The following UNC80 variants were observed in gnomAD, a reference collection of about 807,000 sequenced individuals.
The protein encoded by UNC80 is protein unc-80 homolog.
Under a neutral mutation model 384.6 loss-of-function variants are expected in UNC80, and 164 were observed. That is an observed-to-expected ratio of 0.43 (90% confidence interval 0.38 to 0.49). The LOEUF is 0.49. Ranked by LOEUF, UNC80 falls within the 20% of genes least tolerant of loss-of-function variation. The probability of loss-of-function intolerance (pLI) is 0.00; values close to 1 mark genes in which losing one functional copy is unlikely to be tolerated. For synonymous variants in UNC80, 1,486 were observed against 1,527.8 expected, an observed-to-expected ratio of 0.97 and a Z score of 0.64; for missense variants, 3,330 against 4,143.0, an observed-to-expected ratio of 0.80 and a Z score of 5.39.
At chr2:209,948,065 C>T (rs144359405) in intron 47 of UNC80, among the ~76,000 whole-genome samples, 143 of 152,050 alleles carry the variant, frequency 9.4e-4, no homozygotes, top group Non-Finnish European at 1.8e-3. Context: ...GACTATGTTA[C>T]AATTTATTTA....
intron 4 of UNC80, among the ~76,000 whole-genome samples, chr2:209,782,323 AG>A (rs2077196037): frequency 6.6e-6 from 1 of 152,204 alleles, no homozygotes; most frequent in East Asian, 1.9e-4. Context: ...AGTCTCTCCA[AG>A]AACATAACAT....
Position 209,945,190 on chromosome 2 carries a change from G to A in UNC80, c.7189+1G>A. 1.3e-6 allele frequency: 2 copies of A among 1,545,570 alleles called. No homozygotes were observed. Among genetic ancestry groups the A allele is most frequent in the East Asian group, 2.4e-5 (1 of 40,842 alleles). On this transcript the variant is annotated splice_donor_variant, in intron 46 of 64. Coordinates refer to ENST00000673920, the MANE Select transcript of UNC80 (RefSeq NM_001371986.1). LOFTEE classifies it high-confidence loss of function. ...GCTGAGAAGCCTCTCAAGTCATTAG[G>A]TAAAAGCAAAACTTGCTTTGACATT...
intron 13 of UNC80, among the ~76,000 whole-genome samples, chr2:209,823,758 T>G (rs2080307014): frequency 6.6e-6 from 1 of 152,098 alleles, no homozygotes; most frequent in Admixed American, 6.5e-5. Context: ...CACAACTCTA[T>G]GAAATAGATA....
At chr2:209,775,733 T>C (rs532467523) in intron 2 of UNC80, among the ~76,000 whole-genome samples, 156 bp from the exon 3 acceptor site, 2 of 152,342 alleles carry the variant, frequency 1.3e-5, no homozygotes, top group East Asian at 3.9e-4. Context: ...GAAAATGCAA[T>C]GAGTTCTCCC....
At chr2:209,935,606 AT>A (rs2091193094) in intron 39 of UNC80, 107 bp from the exon 40 acceptor site, 4 of 462,572 alleles carry the variant, frequency 8.6e-6, no homozygotes, top group Non-Finnish European at 1.5e-5. Context: ...AAGAATTGTA[AT>A]TAACAGTAAA....
At chr2:209,798,781 C>T (rs888451871) in intron 7 of UNC80, among the ~76,000 whole-genome samples, 13 of 150,600 alleles carry the variant, frequency 8.6e-5, no homozygotes, top group African/African-American at 3.2e-4. Flanking sequence ...AGGTTCACGC[C>T]ATTCTCCTGC....
chr2:209,778,171 G>A lies in UNC80; in HGVS notation c.600+612G>A, dbSNP rs1437078407. On this transcript the variant is annotated intron_variant, in intron 4 of 64. Coordinates refer to ENST00000673920, the MANE Select transcript of UNC80 (RefSeq NM_001371986.1). The stretch of plus-strand genomic sequence containing the variant: ...TAATCCCAGAACTTTGGGAGGCAGA[G>A]GCAGGTGAATCACTTGAGGTCAGGA... Among the ~76,000 whole-genome samples the A allele has an allele frequency of 4.6e-5, 7 of 152,176 alleles. No individual in the cohort carries two copies. The East Asian group carries it at 5.8e-4, about 13-fold the overall frequency.
intron 29 of UNC80, among the ~76,000 whole-genome samples, chr2:209,907,965 T>C (rs1194386187): frequency 1.3e-5 from 2 of 152,234 alleles, no homozygotes; most frequent in Admixed American, 6.5e-5. Context: ...AAGTAAAGCA[T>C]GAATAAGTGC....
intron 22 of UNC80, among the ~76,000 whole-genome samples, chr2:209,861,114 C>G (rs534710773): frequency 6.6e-5 from 10 of 152,316 alleles, no homozygotes; most frequent in Non-Finnish European, 1.2e-4. Context: ...GAGGGCATCC[C>G]TGTCTTGTAC....
chr2:209,968,851 A>G (rs981884644), intron 52 of UNC80: 2 of 152,128 alleles, frequency 1.3e-5, no homozygotes, highest in African/African-American at 2.4e-5. Context: ...GTTATAGGCA[A>G]TTTTCTCGGG....
Position 209,825,933 on chromosome 2 carries a change from T to C in UNC80, c.2358T>C (p.His786=), listed in dbSNP as rs1197290340. 3 of 1,549,732 alleles carry C rather than the reference T, an allele frequency of 1.9e-6. No homozygotes were observed. Among genetic ancestry groups the C allele is most frequent in the African/African-American group, 2.7e-5 (2 of 72,912 alleles). ...ATGAAAGTACACCTGTAAGCAACCATAGGCTTGCTCTAACAATGCTCATCA... is the reference window on the plus strand; with the variant it reads ...ATGAAAGTACACCTGTAAGCAACCACAGGCTTGCTCTAACAATGCTCATCA... The part of the protein sequence containing the change: ...EKDESTPVSN[H]RLALTMLIKI... Residue 786 remains histidine, a synonymous_variant, in exon 14 of 65, where the codon CAT becomes CAC. Coordinates refer to ENST00000673920, the MANE Select transcript of UNC80 (RefSeq NM_001371986.1).
At chr2:209,944,871 G>C (rs2091837043) in intron 45 of UNC80, among the ~76,000 whole-genome samples, 180 bp from the exon 46 acceptor site, 1 of 152,070 alleles carries the variant, frequency 6.6e-6, no homozygotes, top group African/African-American at 2.4e-5. Flanking sequence ...TCCCTTAAAA[G>C]TCAGGTGTAC....
At chr2:209,975,424 G>A (rs2092988703) in intron 56 of UNC80, among the ~76,000 whole-genome samples, 1 of 152,182 alleles carries the variant, frequency 6.6e-6, no homozygotes, top group Admixed American at 6.5e-5. Flanking sequence ...ATTGTGAAGG[G>A]CTGCTGGAAT....
intron 22 of UNC80, among the ~76,000 whole-genome samples, chr2:209,854,271 C>T (rs1024500003): frequency 2.0e-5 from 3 of 150,328 alleles, no homozygotes; most frequent in Non-Finnish European, 4.4e-5. Flanking sequence ...ATCAAATTGT[C>T]CTCTTAATCT....
At chr2:209,786,262 A>C in intron 5 of UNC80, 73 bp downstream of exon 5, 6 of 1,510,282 alleles carry the variant, frequency 4.0e-6, no homozygotes, top group Non-Finnish European at 5.3e-6. Flanking sequence ...GTGATGGGAT[A>C]ATTTGCCCCT....
Position 209,834,963 on chromosome 2 carries a change from G to T in UNC80, c.2994G>T (p.Glu998Asp). 6.4e-7 allele frequency: 1 copy of T among 1,551,280 alleles called. No individual in the cohort carries two copies. The highest frequency in any genetic ancestry group is 2.4e-5 in the East Asian group (1 of 40,882). Residue 998 changes from glutamate (E) to aspartate (D), a missense_variant, in exon 18 of 65, where the codon GAG becomes GAT. This residue lies in a region of UNC80 where 801 missense variants were observed against 950.8 expected (regional missense o/e 0.84). Transcript: ENST00000673920. ...AAGGCCAGGTATCCTCTGCACCTGA[G>T]GAATGTCGCAGCTTCATGTCTGGTC... ...VDKGQVSSAP[E>D]ECRSFMSGRP...
At chr2:209,869,543 C>T (rs2084119046) in intron 22 of UNC80, among the ~76,000 whole-genome samples, 1 of 151,986 alleles carries the variant, frequency 6.6e-6, no homozygotes, top group Admixed American at 6.6e-5. Context: ...TACTAAAATA[C>T]CCCAGAAATT....
intron 22 of UNC80, among the ~76,000 whole-genome samples, chr2:209,864,410 G>A (rs1041558849): frequency 6.6e-5 from 10 of 152,136 alleles, no homozygotes; most frequent in Admixed American, 1.3e-4. Flanking sequence ...AAACCCACCC[G>A]TCTGGGCTGC....
At chr2:209,947,752 C>G (rs1054989007) in intron 47 of UNC80, among the ~76,000 whole-genome samples, 5 of 151,956 alleles carry the variant, frequency 3.3e-5, no homozygotes, top group Admixed American at 2.0e-4. Context: ...TTAAGTGTAA[C>G]ATTCACATAA....
Sources: allele counts gnomAD v4.1 joint callset (sites outside exome capture counted in the v4.1 genomes callset), GRCh38; gene constraint gnomAD v4.1.1; regional missense constraint gnomAD v4.1.1; transcripts MANE v1.5; gene names NCBI Gene and HGNC (gene_info 2026-07-23, HGNC 2026-07-21).